The following MBD5 variants were observed in gnomAD, a reference collection of about 807,000 sequenced individuals.
The protein encoded by MBD5 is methyl-CpG binding domain protein 5, also known as methyl-CpG-binding domain protein 5.
A neutral mutation model predicts 117.3 loss-of-function variants in MBD5; 13 were observed. The ratio of observed to expected loss-of-function variants is 0.11; its 90% CI spans 0.07 to 0.18. The LOEUF (loss-of-function observed/expected upper bound fraction) is 0.18, where lower values mean the gene tolerates loss of function less well. Among genes scored for constraint, MBD5 ranks in the 10% least tolerant of loss-of-function variants. The probability of loss-of-function intolerance (pLI) is 1.00; values close to 1 mark genes in which losing one functional copy is unlikely to be tolerated. For missense variants in MBD5, 1,879 were observed against 2,093.8 expected (o/e 0.90, Z 2.00); for synonymous variants, 727 against 766.4 (o/e 0.95, Z 0.85).
intron 3 of MBD5, among the ~76,000 whole-genome samples, chr2:148,294,522 G>GTTTTGTTTTTTTTTTTTTTTT (rs1701602396): frequency 2.0e-4 from 9 of 45,430 alleles, no homozygotes; most frequent in African/African-American, 5.5e-4. Flanking sequence ...TTTTTTTTTT[G>GTTTTGTTTTTTTTTTTTTTTT]AGATAGAGCT....
intron 4 of MBD5, chr2:148,346,588 C>CT (rs1347846030): frequency 6.6e-6 from 1 of 151,748 alleles, no homozygotes; most frequent in African/African-American, 2.4e-5. Flanking sequence ...GCATGAGTAT[C>CT]TTTTTATATT....
chr2:148,064,121 C>CT lies in MBD5; in HGVS notation c.-925+42443dup, dbSNP rs200434229. Among the ~76,000 whole-genome samples the CT allele has an allele frequency of 2.7e-3, 346 of 126,158 alleles. 17 individuals are homozygous for CT. The highest frequency in any genetic ancestry group is 4.7e-3 in the African/African-American group (149 of 31,812). The allele number at this position is 126,158 out of a possible 152,430, so 82.8% of individuals were successfully genotyped here. ...GAAACATACTATTCCCACCAGCTGT[C>CT]TTTTTTCTTTTTTTTTTTTTTTGAG... On this transcript the variant is annotated intron_variant, in intron 1 of 13. Coordinates refer to ENST00000642680, the MANE Select transcript of MBD5 (RefSeq NM_001378120.1).
intron 4 of MBD5, among the ~76,000 whole-genome samples, chr2:148,374,231 G>C (rs187000957): frequency 7.1e-6 from 1 of 141,266 alleles, no homozygotes; most frequent in African/African-American, 2.9e-5. Context: ...AACTAAATAT[G>C]TTTATGCATA....
intron 3 of MBD5, among the ~76,000 whole-genome samples, chr2:148,235,099 C>G (rs534251097): frequency 6.6e-6 from 1 of 152,226 alleles, no homozygotes; most frequent in East Asian, 1.9e-4. Context: ...GCTCCTTATA[C>G]TTTAAATCAT....
chr2:148,098,535 C>T (rs1462204142), intron 1 of MBD5, among the ~76,000 whole-genome samples: 2 of 152,052 alleles, frequency 1.3e-5, no homozygotes, highest in African/African-American at 2.4e-5. Flanking sequence ...GGGTGTATGA[C>T]GGAGCCCGGT....
chr2:148,181,950 C>G (rs539012275), intron 2 of MBD5, among the ~76,000 whole-genome samples: 1 of 151,818 alleles, frequency 6.6e-6, no homozygotes, highest in South Asian at 2.1e-4. Flanking sequence ...ACAGATTGTT[C>G]TTTTTTTTGA....
At chr2:148,270,701 C>T (rs1010498756) in intron 3 of MBD5, among the ~76,000 whole-genome samples, 2 of 151,964 alleles carry the variant, frequency 1.3e-5, no homozygotes, top group Non-Finnish European at 2.9e-5. Context: ...ACAACTTTGT[C>T]TTCTGACTTT....
chr2:148,038,102 C>A lies in MBD5; in HGVS notation c.-925+16418C>A, dbSNP rs192156987. 2.0e-5 allele frequency among the ~76,000 whole-genome samples: 3 copies of A among 152,034 alleles called. No individual in the cohort carries two copies. In the East Asian group the frequency reaches 5.8e-4, roughly 29 times the overall value. On this transcript the variant is annotated intron_variant, in intron 1 of 13. Coordinates refer to ENST00000642680, the MANE Select transcript of MBD5 (RefSeq NM_001378120.1). ...ATAACAACTGGTATATCTGGTACCT[C>A]GGTCCCCTGCCTCCTAGTGTAATAA...
chr2:148,337,788 G>A (rs1330528856), intron 3 of MBD5, among the ~76,000 whole-genome samples: 1 of 152,058 alleles, frequency 6.6e-6, no homozygotes, highest in Non-Finnish European at 1.5e-5. Flanking sequence ...AGCTTTATTG[G>A]CAAAGGTATC....
intron 2 of MBD5, among the ~76,000 whole-genome samples, chr2:148,215,282 A>G (rs1699523609): frequency 6.6e-6 from 1 of 152,230 alleles, no homozygotes; most frequent in Non-Finnish European, 1.5e-5. Flanking sequence ...TGTCTGGAAT[A>G]TATTTGAGCA....
chr2:148,440,914 A>C (rs752118861), intron 4 of MBD5, among the ~76,000 whole-genome samples: 1 of 152,192 alleles, frequency 6.6e-6, no homozygotes, highest in Non-Finnish European at 1.5e-5. Flanking sequence ...GGCATTTCCA[A>C]GAAAGTTTAG....
chr2:148,370,673 G>C (rs751517466), intron 4 of MBD5, among the ~76,000 whole-genome samples: 2 of 152,062 alleles, frequency 1.3e-5, no homozygotes, highest in African/African-American at 4.8e-5. Flanking sequence ...ATTTTTAGTA[G>C]AGACAGGGTT....
At chr2:148,377,001 GAT>G (rs200318689) in intron 4 of MBD5, among the ~76,000 whole-genome samples, 1,827 of 145,516 alleles carry the variant, frequency 0.013, 41 homozygotes, top group African/African-American at 0.043. Flanking sequence ...AGAGAGAGAG[GAT>G]ATATATATAT....
intron 1 of MBD5, among the ~76,000 whole-genome samples, chr2:148,163,356 T>C (rs566096254): frequency 1.3e-5 from 2 of 152,338 alleles, no homozygotes; most frequent in South Asian, 4.1e-4. Flanking sequence ...CTCTTAGCTT[T>C]GATTTCCATC....
At chr2:148,318,705 G>A (rs566454235) in intron 3 of MBD5, among the ~76,000 whole-genome samples, 2 of 152,100 alleles carry the variant, frequency 1.3e-5, no homozygotes, top group African/African-American at 4.8e-5. Flanking sequence ...TGAATAGGAT[G>A]TACTTTCTCC....
At chr2:148,393,911 T>C (rs940768188) in intron 4 of MBD5, among the ~76,000 whole-genome samples, 19 of 152,308 alleles carry the variant, frequency 1.2e-4, no homozygotes, top group African/African-American at 4.3e-4. Context: ...ATAGGAGTTA[T>C]TGAGAGTCAC....
chr2:148,220,422 A>G (rs929964692), intron 2 of MBD5, among the ~76,000 whole-genome samples: 4 of 152,164 alleles, frequency 2.6e-5, no homozygotes, highest in Non-Finnish European at 4.4e-5. Flanking sequence ...TCTTGTGAAC[A>G]TGCATTATGT....
At chr2:148,401,058 A>G (rs181174657) in intron 4 of MBD5, among the ~76,000 whole-genome samples, 6 of 152,284 alleles carry the variant, frequency 3.9e-5, no homozygotes, top group African/African-American at 1.4e-4. Flanking sequence ...TTGTTTTGTC[A>G]TCTGGTCCAT....
intron 3 of MBD5, among the ~76,000 whole-genome samples, chr2:148,302,146 T>TTA (rs1191785194): frequency 6.6e-6 from 1 of 152,196 alleles, no homozygotes; most frequent in East Asian, 1.9e-4. Context: ...TATTGAGTCT[T>TTA]TATAAATGGC....
Sources: gnomAD v4.1 joint callset for allele counts (sites outside exome capture counted in the v4.1 genomes callset) on GRCh38, gnomAD v4.1.1 for gene constraint, MANE v1.5 for transcripts, NCBI Gene and HGNC (gene_info 2026-07-23, HGNC 2026-07-21) for gene names.